Variants in ROBO2 observed in about 807,000 individuals in gnomAD.
ROBO2 encodes the protein roundabout guidance receptor 2.
ROBO2 carries 53 observed loss-of-function variants against 160.8 expected under a neutral mutation model. The ratio of observed to expected loss-of-function variants is 0.33; its 90% CI spans 0.26 to 0.41. The LOEUF (loss-of-function observed/expected upper bound fraction) is 0.41, where lower values mean the gene tolerates loss of function less well. ROBO2 is among the 10% of genes least tolerant of loss of function. ROBO2 has a pLI of 1.00. For synonymous variants in ROBO2, 664 were observed against 611.7 expected, an observed-to-expected ratio of 1.09 and a Z score of -1.26; for missense variants, 1,577 against 1,722.4, an observed-to-expected ratio of 0.92 and a Z score of 1.49.
intron 2 of ROBO2, among the ~76,000 whole-genome samples, chr3:76,537,656 T>A (rs561092915): frequency 2.0e-5 from 3 of 152,226 alleles, no homozygotes; most frequent in East Asian, 3.9e-4. Context: ...GGAGTCCCCC[T>A]GTCCCTGGTT....
At chr3:77,458,591 T>A (rs1251347962) in intron 2 of ROBO2, among the ~76,000 whole-genome samples, 2 of 46,776 alleles carry the variant, frequency 4.3e-5, no homozygotes, top group East Asian at 1.5e-3. Context: ...TTTTTGTTTT[T>A]CTTTTTTTTT....
intron 2 of ROBO2, among the ~76,000 whole-genome samples, chr3:76,218,725 A>G (rs74649506): frequency 0.013 from 1,964 of 152,280 alleles, 52 homozygotes; most frequent in African/African-American, 0.045. Flanking sequence ...TATCGTGAAA[A>G]TGGCCATACT....
intron 2 of ROBO2, among the ~76,000 whole-genome samples, chr3:77,108,325 C>CATAT (rs1050669221): frequency 6.9e-6 from 1 of 144,126 alleles, no homozygotes; most frequent in Non-Finnish European, 1.5e-5. Context: ...TACACATATG[C>CATAT]ATATATATAT....
intron 2 of ROBO2, among the ~76,000 whole-genome samples, chr3:76,442,125 A>G (rs1346678906): frequency 6.6e-6 from 1 of 152,230 alleles, no homozygotes; most frequent in East Asian, 1.9e-4. Context: ...GATAATCCAC[A>G]AACTGAGGAA....
intron 2 of ROBO2, among the ~76,000 whole-genome samples, chr3:76,036,513 CT>C (rs1233047274): frequency 2.0e-5 from 3 of 150,988 alleles, no homozygotes; most frequent in Admixed American, 6.6e-5. Context: ...TCCCTTTTTT[CT>C]TTTTTTTGAA....
intron 2 of ROBO2, among the ~76,000 whole-genome samples, chr3:76,440,351 T>G (rs2076870737): frequency 6.6e-5 from 10 of 152,086 alleles, no homozygotes; most frequent in Admixed American, 6.6e-4. Flanking sequence ...GCTGCACCCA[T>G]TAACTCGTCA....
At chr3:75,935,823 A>G (rs1398738509) in intron 1 of ROBO2, among the ~76,000 whole-genome samples, 1 of 152,114 alleles carries the variant, frequency 6.6e-6, no homozygotes, top group Non-Finnish European at 1.5e-5. Context: ...CTTAGTGTTT[A>G]CTTGTTCAGA....
intron 2 of ROBO2, among the ~76,000 whole-genome samples, chr3:76,068,774 T>C (rs1185272681): frequency 6.6e-6 from 1 of 152,174 alleles, no homozygotes; most frequent in Non-Finnish European, 1.5e-5. Context: ...CCTTCTCCTT[T>C]TCTACTTTCC....
At chr3:77,458,896 A>G (rs1248978229) in intron 2 of ROBO2, among the ~76,000 whole-genome samples, 21 of 152,150 alleles carry the variant, frequency 1.4e-4, no homozygotes, top group African/African-American at 2.4e-5. Context: ...CTATTTTCAA[A>G]TCCTGGCCAC....
At chr3:76,521,873 A>G (rs1226910146) in intron 2 of ROBO2, among the ~76,000 whole-genome samples, 1 of 152,180 alleles carries the variant, frequency 6.6e-6, no homozygotes, top group Non-Finnish European at 1.5e-5. Context: ...TTTATATATA[A>G]ACTAGGAAAG....
intron 2 of ROBO2, among the ~76,000 whole-genome samples, chr3:77,310,333 C>T (rs948959875): frequency 6.6e-6 from 1 of 152,082 alleles, no homozygotes; most frequent in African/African-American, 2.4e-5. Context: ...AATGTTGCAG[C>T]CAATTGAGAA....
At chr3:77,388,540 G>T (rs1416494421) in intron 2 of ROBO2, among the ~76,000 whole-genome samples, 1 of 151,652 alleles carries the variant, frequency 6.6e-6, no homozygotes, top group Admixed American at 6.6e-5. Flanking sequence ...TTTGTTTTTG[G>T]CATTTCTCAA....
At chr3:75,931,702 C>T (rs1947548933) in intron 1 of ROBO2, among the ~76,000 whole-genome samples, 1 of 152,060 alleles carries the variant, frequency 6.6e-6, no homozygotes, top group Non-Finnish European at 1.5e-5. Flanking sequence ...CTTACATAAT[C>T]TGAATTAAGA....
intron 2 of ROBO2, among the ~76,000 whole-genome samples, chr3:76,312,002 G>A (rs2071620400): frequency 6.6e-6 from 1 of 152,178 alleles, no homozygotes; most frequent in Non-Finnish European, 1.5e-5. Flanking sequence ...ATCGTGAGAT[G>A]GGAGAGAATT....
chr3:77,625,567 G>T (rs1177020725), intron 23 of ROBO2, among the ~76,000 whole-genome samples: 1 of 151,930 alleles, frequency 6.6e-6, no homozygotes. Flanking sequence ...TAGTAGAGAC[G>T]GGGTTTCACC....
At chr3:77,202,447 T>A (rs1326338793) in intron 2 of ROBO2, among the ~76,000 whole-genome samples, 5 of 152,214 alleles carry the variant, frequency 3.3e-5, no homozygotes, top group Admixed American at 3.3e-4. Flanking sequence ...CTAGTGTTTT[T>A]AATATACATC....
intron 2 of ROBO2, among the ~76,000 whole-genome samples, chr3:77,332,567 T>A (rs924460901): frequency 1.3e-5 from 2 of 152,190 alleles, no homozygotes; most frequent in Non-Finnish European, 2.9e-5. Flanking sequence ...TTATATAAGT[T>A]ATGCACATAA....
chr3:76,076,364 C>T (rs2107996511), intron 2 of ROBO2, among the ~76,000 whole-genome samples: 1 of 152,296 alleles, frequency 6.6e-6, no homozygotes, highest in Non-Finnish European at 1.5e-5. Context: ...AATATATCCT[C>T]TGTTTCAGTG....
rs2074414317 is a variant in ROBO2 at position 76,892,364 on chromosome 3, A to G, written c.110-205650A>G. On this transcript the variant is annotated intron_variant, in intron 2 of 26. Coordinates refer to the ROBO2 transcript ENST00000487694. ...CATAGTTTTGGACTCTTTGACACCAATTTCGACCTGTCATCTACTTAGCCC... is the reference window on the plus strand; with the variant it reads ...CATAGTTTTGGACTCTTTGACACCAGTTTCGACCTGTCATCTACTTAGCCC... Among the ~76,000 whole-genome samples, 3 of 152,146 alleles carry G rather than the reference A, an allele frequency of 2.0e-5. No individual in the cohort carries two copies. The South Asian group carries it at 6.2e-4, about 31-fold the overall frequency.
Sources: allele counts gnomAD v4.1 joint callset (sites outside exome capture counted in the v4.1 genomes callset), GRCh38; gene constraint gnomAD v4.1.1; transcripts MANE v1.5; gene names NCBI Gene and HGNC (gene_info 2026-07-23, HGNC 2026-07-21).